Variants in MACF1 observed in about 807,000 individuals in gnomAD.
The protein encoded by MACF1 is microtubule actin crosslinking factor 1, also known as microtubule-actin cross-linking factor 1.
MACF1 carries 193 observed loss-of-function variants against 854.8 expected under a neutral mutation model. That is an observed-to-expected ratio of 0.23 (90% CI 0.20 to 0.25). MACF1 has a LOEUF of 0.25. Among genes scored for constraint, MACF1 ranks in the 10% least tolerant of loss-of-function variants. The pLI is 1.00. For synonymous variants in MACF1, 3,185 were observed against 3,226.7 expected (o/e 0.99, Z 0.44); for missense variants, 7,722 against 8,929.1 (o/e 0.86, Z 5.45).
At chr1:39,268,918 A>T (rs1350674345) in intron 6 of MACF1, 1 of 1,288,220 alleles carries the variant, frequency 7.8e-7, no homozygotes, top group African/African-American at 1.5e-5. Context: ...CTCCAAAAGG[A>T]AGACGGAGTG....
chr1:39,414,836 A>C (rs1198445195), intron 58 of MACF1, among the ~76,000 whole-genome samples: 1 of 152,220 alleles, frequency 6.6e-6, no homozygotes, highest in Non-Finnish European at 1.5e-5. Flanking sequence ...CAGTTTATTC[A>C]TTGGTGGTGT....
At chr1:39,093,510 G>A (rs1359803630) in intron 2 of MACF1, among the ~76,000 whole-genome samples, 5 of 130,142 alleles carry the variant, frequency 3.8e-5, no homozygotes, top group Admixed American at 7.9e-5. Context: ...TTTTTGAGAC[G>A]GAGTCTTGCC....
chr1:39,399,371 CTTTTTTTTTTTT>C (rs1330401656), intron 58 of MACF1, among the ~76,000 whole-genome samples: 9 of 96,746 alleles, frequency 9.3e-5, no homozygotes, highest in African/African-American at 1.8e-4. Flanking sequence ...CTTTATAAAG[CTTTTTTTTTTTT>C]TTTTTTTTTG....
chr1:39,350,722 C>A (rs1000342713), intron 42 of MACF1, 63 bp from the exon 43 acceptor site: 52 of 1,175,012 alleles, frequency 4.4e-5, no homozygotes, highest in Non-Finnish European at 5.6e-5. Context: ...CATCTTTATA[C>A]CATTAGAGGA....
At chr1:39,142,315 C>T (rs555892397) in intron 2 of MACF1, among the ~76,000 whole-genome samples, 4 of 152,306 alleles carry the variant, frequency 2.6e-5, no homozygotes, top group Admixed American at 1.3e-4. Flanking sequence ...ATTTAGTGAA[C>T]TAACCAATTT....
chr1:39,266,775 C>A (rs1645238164), intron 6 of MACF1, among the ~76,000 whole-genome samples: 1 of 151,960 alleles, frequency 6.6e-6, no homozygotes, highest in African/African-American at 2.4e-5. Context: ...TAATTTTATT[C>A]TCCATTCACA....
chr1:39,233,808 T>TA (rs1553175713), intron 2 of MACF1, among the ~76,000 whole-genome samples: 777 of 65,602 alleles, frequency 0.012, 134 homozygotes, highest in East Asian at 0.021. Flanking sequence ...ATTTATTTTT[T>TA]ATTGATAATT....
intron 2 of MACF1, among the ~76,000 whole-genome samples, chr1:39,235,233 C>T (rs999616856): frequency 1.3e-5 from 2 of 152,238 alleles, no homozygotes; most frequent in African/African-American, 2.4e-5. Flanking sequence ...ACTGAGTGAA[C>T]GAGACTCCGT....
intron 2 of MACF1, among the ~76,000 whole-genome samples, chr1:39,171,203 T>TTG (rs147517281): frequency 0.42 from 60,834 of 145,718 alleles, 13,471 homozygotes; most frequent in South Asian, 0.56. Context: ...ATCTTTCTGT[T>TTG]TGTGTGTGTG....
chr1:39,427,670 AT>A, intron 62 of MACF1, 56 bp downstream of exon 62: 1 of 1,542,302 alleles, frequency 6.5e-7, no homozygotes, highest in Non-Finnish European at 8.9e-7. Context: ...AATCCTAGAA[AT>A]GAGTAAACTG....
intron 4 of MACF1, 165 bp from the exon 5 acceptor site, chr1:39,254,133 C>G: frequency 1.7e-6 from 1 of 594,572 alleles, no homozygotes; most frequent in East Asian, 2.8e-5. Flanking sequence ...GGTCGAAACA[C>G]GTACAGGCCT....
At chr1:39,437,684 G>A (rs748384683) in intron 70 of MACF1, 93 bp from the exon 71 acceptor site, 1 of 999,532 alleles carries the variant, frequency 1.0e-6, no homozygotes, top group African/African-American at 1.6e-5. Context: ...ATCCTAAACA[G>A]TAGTAGGATA....
At chr1:39,177,781 A>T (rs1417242614) in intron 2 of MACF1, among the ~76,000 whole-genome samples, 1 of 152,030 alleles carries the variant, frequency 6.6e-6, no homozygotes, top group East Asian at 1.9e-4. Flanking sequence ...AGCTGTGGTG[A>T]ATGGGAAAGC....
chr1:39,473,409 G>A (rs1201529239), intron 97 of MACF1, among the ~76,000 whole-genome samples: 1 of 152,218 alleles, frequency 6.6e-6, no homozygotes, highest in East Asian at 1.9e-4. Context: ...CTTATGGAAA[G>A]CTATTCTATC....
intron 7 of MACF1, 122 bp downstream of exon 7, chr1:39,282,496 T>C: frequency 4.3e-6 from 5 of 1,169,276 alleles, no homozygotes; most frequent in Non-Finnish European, 5.9e-6. Context: ...TTTGTTCATT[T>C]GAAAAAGAAA....
chr1:39,300,945 C>A (rs115812438), intron 22 of MACF1, among the ~76,000 whole-genome samples: 3,535 of 152,020 alleles, frequency 0.023, 102 homozygotes, highest in East Asian at 0.15. Context: ...TCGCTTGAGC[C>A]GAGGAAGTGG....
At chr1:39,223,777 A>G (rs542176799) in intron 1 of MACF1, among the ~76,000 whole-genome samples, 314 of 152,206 alleles carry the variant, frequency 2.1e-3, no homozygotes, top group Non-Finnish European at 3.5e-3. Flanking sequence ...TCTGCCTCCC[A>G]AAGTGCTGGG....
Position 39,444,979 on chromosome 1 carries a change from A to G in MACF1, c.19605+144A>G, listed in dbSNP as rs538087937. ...ACTGATTCCATCTGTGTTGAGTTGC[A>G]TTGATGGTATAAGTTTCTGTTGTTA... On this transcript the variant is annotated intron_variant, in intron 80 of 100. Transcript: ENST00000564288. The G allele has an allele frequency of 5.3e-4, 335 of 634,620 alleles. 1 individual carries two copies. In the Middle Eastern group the frequency reaches 5.5e-3, roughly 10 times the overall value. 39.3% of individuals were successfully genotyped at this position (634,620 alleles called of 1,614,324 possible).
intron 2 of MACF1, among the ~76,000 whole-genome samples, chr1:39,153,613 T>C (rs1325584236): frequency 2.0e-5 from 3 of 152,182 alleles, no homozygotes; most frequent in Non-Finnish European, 4.4e-5. Flanking sequence ...AGGCCTGGGG[T>C]GGCCACAGGG....
Sources: allele counts gnomAD v4.1 joint callset (sites outside exome capture counted in the v4.1 genomes callset), GRCh38; gene constraint gnomAD v4.1.1; transcripts MANE v1.5; gene names NCBI Gene and HGNC (gene_info 2026-07-23, HGNC 2026-07-21).